The following DOCK6 variants were observed in gnomAD, a reference collection of about 807,000 sequenced individuals.
DOCK6 encodes the protein dedicator of cytokinesis 6.
In DOCK6, 167 loss-of-function variants were observed where a neutral mutation model predicts 230.3. That is an observed-to-expected ratio of 0.73 (90% CI 0.64 to 0.82). The LOEUF (loss-of-function observed/expected upper bound fraction) is 0.82, where lower values mean the gene tolerates loss of function less well. DOCK6 is among the 40% of genes least tolerant of loss of function. The pLI is 0.00. For missense variants in DOCK6, 2,598 were observed against 2,825.8 expected, an observed-to-expected ratio of 0.92 and a Z score of 1.83; for synonymous variants, 1,148 against 1,185.0, an observed-to-expected ratio of 0.97 and a Z score of 0.64.
chr19:11,238,059 C>G lies in DOCK6; in HGVS notation c.1818G>C (p.Val606=). The change falls in exon 16 of 48, where the codon GTG becomes GTC. Residue 606 remains valine (V), a synonymous_variant. Transcript: ENST00000294618. ...SEFTREAFTP[V]VYHNKSPEFY... Reference sequence around the variant, plus strand: ...CCCCTACATACTTGTTATGGTAGACCACCGGTGTGAAGGCCTCGCGGGTAA... The same window carrying G: ...CCCCTACATACTTGTTATGGTAGACGACCGGTGTGAAGGCCTCGCGGGTAA... 1 of 1,613,820 alleles carries G rather than the reference C, an allele frequency of 6.2e-7. No homozygotes were observed. The highest frequency in any genetic ancestry group is 8.5e-7 in the Non-Finnish European group (1 of 1,179,846).
At chr19:11,239,648 C>T in intron 14 of DOCK6, 1 of 1,613,742 alleles carries the variant, frequency 6.2e-7, no homozygotes, top group Non-Finnish European at 8.5e-7. Flanking sequence ...ATGCCAGTGC[C>T]TGCTCTGTGC....
rs1384546185 is a variant in DOCK6 at position 11,223,121 on chromosome 19, G to T, written c.2956-15C>A. The T allele has an allele frequency of 6.2e-7, 1 of 1,609,454 alleles. No homozygotes were observed. The highest frequency in any genetic ancestry group is 1.7e-5 in the Admixed American group (1 of 59,944). On this transcript the variant is annotated splice_polypyrimidine_tract_variant and intron_variant, in intron 24 of 47. Transcript: ENST00000294618. ...AGCTCCACATCCTGGGGACACAGGT[G>T]CCTGTCAACCCACACACCCAAACCT...
Position 11,236,317 on chromosome 19 carries a change from A to C in DOCK6, c.2392+29T>G. On this transcript the variant is annotated intron_variant, in intron 20 of 47. Coordinates refer to ENST00000294618, the MANE Select transcript of DOCK6 (RefSeq NM_020812.4). The surrounding 1 kb of genome is among the most constrained non-coding windows in gnomAD (Gnocchi z 5.2). ...GACTGAGAAGCCATGTGGATGGGGAAACTGAGGTCTGAGGCCACATTCGCT... is the reference window on the plus strand; with the variant it reads ...GACTGAGAAGCCATGTGGATGGGGACACTGAGGTCTGAGGCCACATTCGCT... 6.6e-7 allele frequency: 1 copy of C among 1,523,276 alleles called. No individual in the cohort carries two copies. The allele number at this position is 1,523,276 out of a possible 1,614,324, so 94.4% of individuals were successfully genotyped here.
chr19:11,259,297 G>A (rs775546275), intron 1 of DOCK6, among the ~76,000 whole-genome samples: 10 of 152,058 alleles, frequency 6.6e-5, no homozygotes, highest in Non-Finnish European at 1.2e-4. Context: ...CAAAGTGGTA[G>A]GATTACAGGT....
intron 21 of DOCK6, among the ~76,000 whole-genome samples, chr19:11,235,109 ATTTTTG>A (rs932013873): frequency 1.3e-5 from 2 of 151,622 alleles, no homozygotes; most frequent in East Asian, 2.0e-4. Flanking sequence ...CACCTGGCTA[ATTTTTG>A]TTTTTGTTTT....
At chr19:11,219,747 G>A (rs1443286877) in intron 28 of DOCK6, among the ~76,000 whole-genome samples, 2 of 149,206 alleles carry the variant, frequency 1.3e-5, no homozygotes, top group African/African-American at 2.5e-5. Flanking sequence ...CCGAGATAGC[G>A]CCACTGCACT....
rs758660476 is a variant in DOCK6, at chr19:11,236,860, C to T, written c.2093G>A (p.Arg698His). Residue 698 changes from arginine (R) to histidine (H), a missense_variant, in exon 19 of 48, where the codon CGC becomes CAC. By Grantham distance (29) the Arg-to-His change is conservative. Transcript: ENST00000294618. The surrounding 1 kb of genome is among the most constrained non-coding windows in gnomAD (Gnocchi z 5.2). ...CACGCCCTTGTGACCGTCCACCCAGCGCATGCCCGGAAGCGCCACCTGTGG... is the reference window on the plus strand; with the variant it reads ...CACGCCCTTGTGACCGTCCACCCAGTGCATGCCCGGAAGCGCCACCTGTGG... ...LTPDVALPGM[R>H]WVDGHKGVFS... is the part of the protein sequence containing the mutation. The T allele has an allele frequency of 4.2e-5, 65 of 1,554,160 alleles. No individual in the cohort carries two copies. In the Admixed American group the frequency reaches 7.2e-4, roughly 17 times the overall value.
rs573364603 is a variant in DOCK6, at chr19:11,238,088, C to T, written c.1789G>A (p.Glu597Lys). The change falls in exon 16 of 48, where the codon GAA (glutamate) becomes AAA (lysine). Residue 597 changes from glutamate (E) to lysine (K), a missense_variant. Transcript: ENST00000294618. ...GGTGTGAAGGCCTCGCGGGTAAATT[C>T]ACTGCAGCTGGACTTGCCAAAGATG... ...PVIFGKSSCSEFTREAFTPVV... is the reference protein window; with the variant it reads ...PVIFGKSSCSKFTREAFTPVV... 1 of 1,613,958 alleles carries T rather than the reference C, an allele frequency of 6.2e-7. No individual in the cohort carries two copies. The highest frequency in any genetic ancestry group is 1.3e-5 in the African/African-American group (1 of 75,028).
intron 9 of DOCK6, among the ~76,000 whole-genome samples, chr19:11,244,321 C>T (rs2079998858): frequency 6.6e-6 from 1 of 150,516 alleles, no homozygotes; most frequent in African/African-American, 2.4e-5. Context: ...GACAGAGTCT[C>T]CCTGTTGCCC....
At chr19:11,252,685 A>C in intron 3 of DOCK6, 98 bp downstream of exon 3, 1 of 1,595,516 alleles carries the variant, frequency 6.3e-7, no homozygotes. Context: ...TGGCTTGTCC[A>C]ACGTCACGGC....
In DOCK6 at chr19:11,237,694, C is replaced by G. The variant is rs781358965; in HGVS notation, c.1918G>C (p.Val640Leu). 3 of 1,593,822 alleles carry G rather than the reference C, an allele frequency of 1.9e-6. No homozygotes were observed. Among genetic ancestry groups the G allele is most frequent in the Non-Finnish European group, 1.7e-6 (2 of 1,170,896 alleles). Residue 640 changes from valine to leucine, a missense_variant, in exon 17 of 48, where the codon GTC becomes CTC. By Grantham distance (32) the Val-to-Leu change is conservative (BLOSUM62 1). Coordinates refer to ENST00000294618, the MANE Select transcript of DOCK6 (RefSeq NM_020812.4). ...GTGCCCGGCCGGGGCTGGCAGCTGA[C>G]ATGGTAGAAGGTGAACAGCAGGTGA... is the stretch of plus-strand genomic sequence containing the variant. The part of the protein sequence containing the change: ...NHHLLFTFYH[V>L]SCQPRPGTAL...
At chr19:11,239,748 G>C in intron 14 of DOCK6, 5 of 1,612,738 alleles carry the variant, frequency 3.1e-6, no homozygotes, top group African/African-American at 1.3e-5. Context: ...AGCTGACCCT[G>C]CTCTTCCATG....
At chr19:11,216,024 CG>C in intron 30 of DOCK6, 97 bp from the exon 31 acceptor site, 2 of 1,497,402 alleles carry the variant, frequency 1.3e-6, no homozygotes, top group South Asian at 2.4e-5. Context: ...TTCTCACCTC[CG>C]GGCCCCTGTG....
Position 11,228,940 on chromosome 19 carries a change from C to A in DOCK6, c.2814G>T (p.Met938Ile). 1 of 1,613,314 alleles carries A rather than the reference C, an allele frequency of 6.2e-7. No homozygotes were observed. Among genetic ancestry groups the A allele is most frequent in the Non-Finnish European group, 8.5e-7 (1 of 1,179,676 alleles). ...LQHAWFFFQLMVKSMALHLLL... is the reference protein window; with the variant it reads ...LQHAWFFFQLIVKSMALHLLL... ...CCAGGCAGGGAGGAGGGGGTCTCAC[C>A]ATGAGCTGGAAGAAGAACCAGGCGT... is the stretch of plus-strand genomic sequence containing the variant. Residue 938 changes from methionine to isoleucine, a missense_variant and splice_region_variant, in exon 23 of 48, where the codon ATG (methionine) becomes ATT (isoleucine). Transcript: ENST00000294618.
intron 37 of DOCK6, among the ~76,000 whole-genome samples, chr19:11,211,546 A>C (rs1445337008): frequency 1.5e-3 from 94 of 63,526 alleles, no homozygotes; most frequent in East Asian, 2.7e-3. Context: ...TATCCCCCTT[A>C]CCTGTCTGCT....
chr19:11,240,726 C>T (rs1173315833), intron 14 of DOCK6, among the ~76,000 whole-genome samples: 1 of 151,690 alleles, frequency 6.6e-6, no homozygotes, highest in African/African-American at 2.4e-5. Flanking sequence ...ATTACAGGTG[C>T]ACCAGCTAAT....
chr19:11,200,504 C>A lies in DOCK6; in HGVS notation c.5940-35G>T. 1.3e-6 allele frequency: 2 copies of A among 1,598,472 alleles called. No individual in the cohort carries two copies. Among genetic ancestry groups the A allele is most frequent in the Non-Finnish European group, 1.7e-6 (2 of 1,172,818 alleles). On this transcript the variant is annotated intron_variant, in intron 46 of 47. Transcript: ENST00000294618. This position sits in a 1 kb window ranked among gnomAD's most constrained non-coding sequence, Gnocchi z 4.3. The stretch of plus-strand genomic sequence containing the variant: ...AGAGGGTGGGAGATGCTCAGAGACT[C>A]GCACACGGGACTGAAAGCAAGACTA...
chr19:11,209,727 TCCCCTCACCTGTCCAC>T (rs1293152558), intron 37 of DOCK6, among the ~76,000 whole-genome samples: 1 of 45,158 alleles, frequency 2.2e-5, no homozygotes, highest in Non-Finnish European at 5.0e-5. Context: ...CACCTGTCTA[TCCCCTCACCTGTCCAC>T]CCCCTCACCT....
At chr19:11,255,818 G>A (rs2080188142) in intron 1 of DOCK6, among the ~76,000 whole-genome samples, 1 of 151,964 alleles carries the variant, frequency 6.6e-6, no homozygotes, top group Non-Finnish European at 1.5e-5. Flanking sequence ...ACGGAGTCTC[G>A]ATCTGTTGCC....
Sources: allele counts gnomAD v4.1 joint callset (sites outside exome capture counted in the v4.1 genomes callset), GRCh38; gene constraint gnomAD v4.1.1; non-coding constraint Gnocchi (gnomAD v3.1); transcripts MANE v1.5; gene names NCBI Gene and HGNC (gene_info 2026-07-23, HGNC 2026-07-21).